FDX1: variants seen among roughly 807,000 people sequenced by gnomAD.
The protein encoded by FDX1 is ferredoxin 1.
A neutral mutation model predicts 14.9 loss-of-function variants in FDX1; 9 were observed. The observed-to-expected ratio is 0.60, with a 90% CI of 0.36 to 1.05. The LOEUF is 1.05. Among genes scored for constraint, FDX1 ranks in the 50% least tolerant of loss-of-function variants. The pLI is 0.01. For missense variants in FDX1, 204 were observed against 237.2 expected, an observed-to-expected ratio of 0.86 and a Z score of 0.92; for synonymous variants, 92 against 99.4, an observed-to-expected ratio of 0.93 and a Z score of 0.44.
At chr11:110,444,706 G>GTGTA (rs1565381961) in intron 2 of FDX1, among the ~76,000 whole-genome samples, 2 of 30,848 alleles carry the variant, frequency 6.5e-5, no homozygotes, top group East Asian at 1.1e-3. Context: ...ATATATATAC[G>GTGTA]TATATATATA....
intron 1 of FDX1, among the ~76,000 whole-genome samples, chr11:110,435,290 A>G (rs993592362): frequency 1.2e-4 from 18 of 152,176 alleles, no homozygotes; most frequent in African/African-American, 3.9e-4. Context: ...GCGTCAAACA[A>G]TCTTCCCACT....
intron 2 of FDX1, among the ~76,000 whole-genome samples, chr11:110,448,544 TGAAAG>T (rs1030933738): frequency 3.3e-5 from 5 of 152,118 alleles, no homozygotes; most frequent in Admixed American, 3.3e-4. Context: ...TCAAGTTACA[TGAAAG>T]GAAAGGAGCA....
At chr11:110,435,196 T>A (rs1382111355) in intron 1 of FDX1, among the ~76,000 whole-genome samples, 1 of 151,750 alleles carries the variant, frequency 6.6e-6, no homozygotes, top group Non-Finnish European at 1.5e-5. Flanking sequence ...GGACTACAGA[T>A]CACATCACCA....
At chr11:110,433,586 G>T (rs1373391257) in intron 1 of FDX1, among the ~76,000 whole-genome samples, 1 of 152,108 alleles carries the variant, frequency 6.6e-6, no homozygotes, top group Non-Finnish European at 1.5e-5. Flanking sequence ...TGCCTCTAGG[G>T]TATTTTCATT....
At chr11:110,439,414 G>A (rs1946391689) in intron 2 of FDX1, among the ~76,000 whole-genome samples, 1 of 151,992 alleles carries the variant, frequency 6.6e-6, no homozygotes, top group South Asian at 2.1e-4. Context: ...TTCCCATGTT[G>A]GCCAGGCTAG....
In FDX1 at chr11:110,464,085, G is replaced by T. The variant is rs1413960475; in HGVS notation, c.*1617G>T. 2 of 151,776 alleles carry T rather than the reference G, an allele frequency of 1.3e-5. No homozygotes were observed. The highest frequency in any genetic ancestry group is 1.3e-4 in the Admixed American group (2 of 15,234). 9.4% of individuals were successfully genotyped at this position (151,776 alleles called of 1,614,324 possible). ...GGACCACCACGCCTGGCTAATTTTT[G>T]TATTTTTTCTAGGGACAGGGTTTTA... On this transcript the variant is annotated 3_prime_UTR_variant, in exon 4 of 4. Transcript: ENST00000260270.
intron 1 of FDX1, among the ~76,000 whole-genome samples, chr11:110,435,614 A>G (rs1479581410): frequency 1.3e-5 from 2 of 152,170 alleles, no homozygotes; most frequent in African/African-American, 4.8e-5. Flanking sequence ...TTAGGAGGCC[A>G]AGTTGAGAAG....
chr11:110,445,659 T>C (rs1369721866), intron 2 of FDX1, among the ~76,000 whole-genome samples: 1 of 152,240 alleles, frequency 6.6e-6, no homozygotes, highest in African/African-American at 2.4e-5. Context: ...AATGGAAGAA[T>C]GTCCTGCCTG....
chr11:110,462,350 A>G lies in FDX1; in HGVS notation c.441-4A>G. On this transcript the variant is annotated splice_polypyrimidine_tract_variant and splice_region_variant and intron_variant, in intron 3 of 3. Transcript: ENST00000260270. ...AAACCATACCTTCCCCCTTTTCCAT[A>G]CAGATCACGGTTGGGCTGCCAAATC... 3 of 1,580,852 alleles carry G rather than the reference A, an allele frequency of 1.9e-6. No individual in the cohort carries two copies. Among genetic ancestry groups the G allele is most frequent in the Non-Finnish European group, 2.6e-6 (3 of 1,150,698 alleles).
At chr11:110,442,045 C>T (rs1276512354) in intron 2 of FDX1, among the ~76,000 whole-genome samples, 1 of 152,226 alleles carries the variant, frequency 6.6e-6, no homozygotes, top group Non-Finnish European at 1.5e-5. Flanking sequence ...CAAGCCTTGG[C>T]AGCTTCCATG....
intron 2 of FDX1, among the ~76,000 whole-genome samples, chr11:110,450,319 C>T (rs929402307): frequency 6.6e-6 from 1 of 151,906 alleles, no homozygotes; most frequent in Non-Finnish European, 1.5e-5. Flanking sequence ...AGTAACAGAT[C>T]ATCAGGCATT....
At chr11:110,449,710 C>T (rs566757624) in intron 2 of FDX1, among the ~76,000 whole-genome samples, 1 of 152,296 alleles carries the variant, frequency 6.6e-6, no homozygotes, top group South Asian at 2.1e-4. Context: ...TCACTGCAGC[C>T]TCCACCTCCT....
At position 110,433,937 on chromosome 11, in the gene FDX1, G is replaced by C. The variant is rs1267522134; in HGVS notation, c.186-1897G>C. Among the ~76,000 whole-genome samples the C allele has an allele frequency of 6.6e-5, 10 of 152,176 alleles. No homozygotes were observed. The South Asian group carries it at 1.9e-3, about 28-fold the overall frequency. ...CTGAGTTTTACTTAAAGATTTGTTT[G>C]ATGGGCTATTGCCATCTACTGGTAG... On this transcript the variant is annotated intron_variant, in intron 1 of 3. Transcript: ENST00000260270.
chr11:110,438,492 C>T (rs1004631137), intron 2 of FDX1, among the ~76,000 whole-genome samples: 3 of 152,078 alleles, frequency 2.0e-5, no homozygotes, highest in African/African-American at 4.8e-5. Context: ...GTGGCGCAGT[C>T]TGGGCTCACT....
intron 2 of FDX1, among the ~76,000 whole-genome samples, chr11:110,444,688 G>GTATA (rs199640851): frequency 4.0e-5 from 1 of 24,882 alleles, no homozygotes; most frequent in African/African-American, 1.9e-4. Flanking sequence ...ATATATACAC[G>GTATA]TATATATATA....
intron 2 of FDX1, among the ~76,000 whole-genome samples, chr11:110,456,672 A>T (rs954744513): frequency 1.3e-5 from 2 of 151,758 alleles, no homozygotes; most frequent in African/African-American, 4.8e-5. Context: ...ATGCCTGGCT[A>T]ATTTTTGTCT....
Position 110,463,669 on chromosome 11 carries a change from C to T in FDX1, c.*1201C>T, listed in dbSNP as rs1946572066. The T allele has an allele frequency of 6.6e-6, 1 of 152,150 alleles. No homozygotes were observed. The highest frequency in any genetic ancestry group is 2.4e-5 in the African/African-American group (1 of 41,418). 9.4% of individuals were successfully genotyped at this position (152,150 alleles called of 1,614,324 possible). On this transcript the variant is annotated 3_prime_UTR_variant, in exon 4 of 4. Coordinates refer to ENST00000260270, the MANE Select transcript of FDX1 (RefSeq NM_004109.5). The stretch of plus-strand genomic sequence containing the variant: ...AATATTTGTCTAGTACAATGCTTGA[C>T]ATACAGCATTGTGTTATGCCCATTG...
chr11:110,457,727 AAAT>A (rs1946531047), intron 3 of FDX1, among the ~76,000 whole-genome samples: 1 of 145,066 alleles, frequency 6.9e-6, no homozygotes. Flanking sequence ...CCTTAATGAC[AAAT>A]AATTTTTTAA....
intron 2 of FDX1, among the ~76,000 whole-genome samples, chr11:110,437,003 A>T (rs1434361900): frequency 1.3e-5 from 2 of 152,084 alleles, no homozygotes; most frequent in African/African-American, 4.8e-5. Context: ...ATATCTTTTT[A>T]AAAATTTTTT....
Sources: gnomAD v4.1 joint callset for allele counts (sites outside exome capture counted in the v4.1 genomes callset) on GRCh38, gnomAD v4.1.1 for gene constraint, MANE v1.5 for transcripts, NCBI Gene and HGNC (gene_info 2026-07-23, HGNC 2026-07-21) for gene names.